Variants in KCNT2 observed in about 807,000 individuals in gnomAD.
KCNT2 encodes potassium sodium-activated channel subfamily T member 2.
A neutral mutation model predicts 153.8 loss-of-function variants in KCNT2; 67 were observed. That is an observed-to-expected ratio of 0.44 (90% CI 0.36 to 0.53). KCNT2 has a LOEUF of 0.53. Ranked by LOEUF, KCNT2 falls within the 20% of genes least tolerant of loss-of-function variation. The pLI is 0.00. For synonymous variants in KCNT2, 500 were observed against 458.8 expected (o/e 1.09, Z -1.15); for missense variants, 975 against 1,354.8 (o/e 0.72, Z 4.40).
chr1:196,393,266 A>G (rs1670640703), intron 13 of KCNT2, among the ~76,000 whole-genome samples: 1 of 151,440 alleles, frequency 6.6e-6, no homozygotes, highest in Non-Finnish European at 1.5e-5. Flanking sequence ...GAAGTGGGAG[A>G]TTTTCAGAGG....
chr1:196,245,991 G>A (rs139890273), intron 26 of KCNT2, among the ~76,000 whole-genome samples: 23 of 152,170 alleles, frequency 1.5e-4, no homozygotes, highest in Non-Finnish European at 3.1e-4. Context: ...ATAAATACAA[G>A]ATGATAATAG....
chr1:196,323,759 C>G (rs748734596), intron 19 of KCNT2, among the ~76,000 whole-genome samples: 2 of 151,782 alleles, frequency 1.3e-5, no homozygotes, highest in African/African-American at 4.8e-5. Flanking sequence ...TAGCCACATA[C>G]TGAATACTAT....
Position 196,429,628 on chromosome 1 carries a change from C to A in KCNT2, c.768G>T (p.Lys256Asn). The change falls in exon 9 of 28, where the codon AAG becomes AAT. Residue 256 changes from lysine (K) to asparagine (N), a missense_variant. Physicochemically the swap from Lys to Asn is moderately conservative, Grantham distance 94 (BLOSUM62 0). Around this residue, in one of 6 missense-constraint regions of KCNT2, gnomAD observed 202 missense variants for 314.9 expected, o/e 0.64. Transcript: ENST00000294725. ...CACAAATCATAGCAACTACAAAAAGCTTGGAGGACCATGTTTCAGGAGTGA... is the reference window on the plus strand; with the variant it reads ...CACAAATCATAGCAACTACAAAAAGATTGGAGGACCATGTTTCAGGAGTGA... ...GDVTPETWSS[K>N]LFVVAMICVA... The A allele has an allele frequency of 6.2e-7, 1 of 1,612,860 alleles. No individual in the cohort carries two copies. The highest frequency in any genetic ancestry group is 8.5e-7 in the Non-Finnish European group (1 of 1,179,426).
chr1:196,372,319 G>T (rs567082362), intron 14 of KCNT2, among the ~76,000 whole-genome samples: 1 of 151,858 alleles, frequency 6.6e-6, no homozygotes, highest in African/African-American at 2.4e-5. Flanking sequence ...TATTTGATTT[G>T]ACACTTCACC....
At chr1:196,353,422 G>T (rs1666916826) in intron 14 of KCNT2, among the ~76,000 whole-genome samples, 2 of 151,664 alleles carry the variant, frequency 1.3e-5, no homozygotes, top group Non-Finnish European at 2.9e-5. Context: ...AATCATTTTT[G>T]TCCTCAGTTT....
At chr1:196,360,684 A>T (rs1049194855) in intron 14 of KCNT2, among the ~76,000 whole-genome samples, 2 of 152,102 alleles carry the variant, frequency 1.3e-5, no homozygotes, top group African/African-American at 4.8e-5. Flanking sequence ...TGGGCGCAAC[A>T]GAGGAAACCC....
At chr1:196,445,271 G>T (rs1416080927) in intron 8 of KCNT2, among the ~76,000 whole-genome samples, 3 of 151,344 alleles carry the variant, frequency 2.0e-5, no homozygotes, top group Non-Finnish European at 4.4e-5. Context: ...ATATGAAATA[G>T]GACCAAATAA....
intron 8 of KCNT2, among the ~76,000 whole-genome samples, chr1:196,452,724 AT>A (rs988970482): frequency 0.062 from 377 of 6,036 alleles, 3 homozygotes; most frequent in African/African-American, 0.069. Context: ...ATATAAATAG[AT>A]GGTATTATAA....
chr1:196,584,450 C>T (rs1662433310), intron 1 of KCNT2, among the ~76,000 whole-genome samples: 1 of 151,942 alleles, frequency 6.6e-6, no homozygotes, highest in African/African-American at 2.4e-5. Context: ...TTCAAATTAA[C>T]AAATGGATGA....
At chr1:196,240,650 AG>A in intron 26 of KCNT2, among the ~76,000 whole-genome samples, 1 of 152,126 alleles carries the variant, frequency 6.6e-6, no homozygotes, top group South Asian at 2.1e-4. Context: ...TGCAGAAAGT[AG>A]GCACCAGGGA....
At chr1:196,357,527 A>G (rs1667270438) in intron 14 of KCNT2, among the ~76,000 whole-genome samples, 1 of 151,756 alleles carries the variant, frequency 6.6e-6, no homozygotes, top group Admixed American at 6.6e-5. Context: ...ACCCCTTTTC[A>G]GTGGTAAATT....
At position 196,225,925 on chromosome 1, in the gene KCNT2, A is replaced by T. The variant is rs1306627459; in HGVS notation, c.*2299T>A. ...TTATATTTTATTTTCATGTGCAAGT[A>T]TAATTATTTTAAAAAGGCAACATTT... On this transcript the variant is annotated 3_prime_UTR_variant, in exon 28 of 28. Coordinates refer to ENST00000294725, the MANE Select transcript of KCNT2 (RefSeq NM_198503.5). 1 of 152,136 alleles carries T rather than the reference A, an allele frequency of 6.6e-6. No individual in the cohort carries two copies. Among genetic ancestry groups the T allele is most frequent in the African/African-American group, 2.4e-5 (1 of 41,468 alleles). The allele number at this position is 152,136 out of a possible 1,614,324, so 9.4% of individuals were successfully genotyped here.
chr1:196,468,652 G>A (rs1283870831), intron 6 of KCNT2, among the ~76,000 whole-genome samples: 1 of 151,880 alleles, frequency 6.6e-6, no homozygotes, highest in Non-Finnish European at 1.5e-5. Context: ...TTGTAAATAT[G>A]TTTCCAATTG....
intron 2 of KCNT2, 74 bp downstream of exon 2, chr1:196,492,188 C>A: frequency 2.3e-6 from 3 of 1,297,338 alleles, no homozygotes; most frequent in Non-Finnish European, 3.0e-6. Context: ...AAGTATTTTG[C>A]AAAAGATCAC....
chr1:196,419,275 A>C (rs1176230572), intron 12 of KCNT2, among the ~76,000 whole-genome samples: 17 of 147,704 alleles, frequency 1.2e-4, no homozygotes, highest in Non-Finnish European at 6.0e-5. Context: ...TGCTGCACCC[A>C]TTAACTCATC....
intron 1 of KCNT2, among the ~76,000 whole-genome samples, chr1:196,586,933 G>A (rs779106016): frequency 1.3e-5 from 2 of 152,010 alleles, no homozygotes; most frequent in South Asian, 2.1e-4. Flanking sequence ...AATATTTGAC[G>A]TGAAGCTTGA....
intron 21 of KCNT2, among the ~76,000 whole-genome samples, chr1:196,306,529 T>G (rs949137801): frequency 1.3e-5 from 2 of 152,096 alleles, no homozygotes; most frequent in African/African-American, 4.8e-5. Flanking sequence ...GGAAGGTTGA[T>G]GGATGATTTG....
intron 1 of KCNT2, among the ~76,000 whole-genome samples, chr1:196,597,602 T>C (rs1387236306): frequency 6.6e-6 from 1 of 152,176 alleles, no homozygotes; most frequent in African/African-American, 2.4e-5. Flanking sequence ...GAAAGCTGTG[T>C]TTCTTCTGAA....
chr1:196,587,489 A>T (rs1326372608), intron 1 of KCNT2, among the ~76,000 whole-genome samples: 1 of 152,072 alleles, frequency 6.6e-6, no homozygotes, highest in Non-Finnish European at 1.5e-5. Context: ...AATTGCTACC[A>T]TAATAATCAT....
Sources: allele counts gnomAD v4.1 joint callset (sites outside exome capture counted in the v4.1 genomes callset), GRCh38; gene constraint gnomAD v4.1.1; regional missense constraint gnomAD v4.1.1; transcripts MANE v1.5; gene names NCBI Gene and HGNC (gene_info 2026-07-23, HGNC 2026-07-21).